USH2A: variants seen among roughly 807,000 people sequenced by gnomAD.
The protein encoded by USH2A is usherin, also known as Usher syndrome 2A (autosomal recessive, mild).
Under a neutral mutation model 538.9 loss-of-function variants are expected in USH2A, and 443 were observed. That is an observed-to-expected ratio of 0.82 (90% CI 0.76 to 0.89). The LOEUF (loss-of-function observed/expected upper bound fraction) is 0.89, where lower values mean the gene tolerates loss of function less well. Among genes scored for constraint, USH2A ranks in the 40% least tolerant of loss-of-function variants. The probability of loss-of-function intolerance (pLI) is 0.00; values close to 1 mark genes in which losing one functional copy is unlikely to be tolerated. For missense variants in USH2A, 6,633 were observed against 6,324.8 expected (o/e 1.05, Z -1.65); for synonymous variants, 2,413 against 2,273.5 (o/e 1.06, Z -1.75).
intron 13 of USH2A, among the ~76,000 whole-genome samples, chr1:216,233,279 G>A (rs148507183): frequency 2.2e-4 from 33 of 152,086 alleles, no homozygotes; most frequent in Admixed American, 1.4e-3. Flanking sequence ...TTCATGGGCC[G>A]TTCTGTCTGC....
At chr1:215,784,173 T>C (rs1251329766) in intron 52 of USH2A, among the ~76,000 whole-genome samples, 1 of 152,278 alleles carries the variant, frequency 6.6e-6, no homozygotes, top group East Asian at 1.9e-4. Flanking sequence ...TTGCCAGTTT[T>C]CTTTGTAGCT....
At chr1:215,955,380 A>G (rs986800752) in intron 37 of USH2A, among the ~76,000 whole-genome samples, 2 of 152,196 alleles carry the variant, frequency 1.3e-5, no homozygotes, top group Non-Finnish European at 2.9e-5. Flanking sequence ...ATAAAACAAC[A>G]TATGATTCAA....
intron 14 of USH2A, among the ~76,000 whole-genome samples, chr1:216,221,883 T>A (rs541611256): frequency 6.6e-6 from 1 of 152,362 alleles, no homozygotes; most frequent in South Asian, 2.1e-4. Flanking sequence ...TAAATAAGAC[T>A]AGGCAAGAAA....
rs1457429182 is a variant in USH2A at position 215,845,911 on chromosome 1, T to G, written c.8968A>C (p.Asn2990His). The G allele has an allele frequency of 1.2e-6, 2 of 1,613,958 alleles. No individual in the cohort carries two copies. Among genetic ancestry groups the G allele is most frequent in the Non-Finnish European group, 1.7e-6 (2 of 1,179,950 alleles). The stretch of plus-strand genomic sequence containing the variant: ...GAGATAAAGATCCAATACTCTGTGT[T>G]TGGCTTTAGGTGGCCAATGACATGA... ...NSHVIGHLKPNTEYWIFISVF... is the reference protein window; with the variant it reads ...NSHVIGHLKPHTEYWIFISVF... Residue 2990 changes from asparagine (N) to histidine (H), a missense_variant, in exon 45 of 72, where the codon AAC becomes CAC. Asn to His is a moderately conservative substitution (Grantham distance 68, BLOSUM62 1). Transcript: ENST00000307340.
intron 14 of USH2A, among the ~76,000 whole-genome samples, chr1:216,229,152 C>T (rs975900056): frequency 1.7e-4 from 26 of 151,784 alleles, no homozygotes; most frequent in Non-Finnish European, 2.7e-4. Context: ...CCAGCCTAGG[C>T]GACAGAGTGT....
chr1:216,384,339 G>A lies in USH2A; in HGVS notation c.652-19254C>T, dbSNP rs193146374. On this transcript the variant is annotated intron_variant, in intron 3 of 71. Transcript: ENST00000307340. ...CCAGAAGCAAAAAATACATGTGGCTGGCTAATAAGCCTATGTAAGGTAAGA... is the reference window on the plus strand; with the variant it reads ...CCAGAAGCAAAAAATACATGTGGCTAGCTAATAAGCCTATGTAAGGTAAGA... Among the ~76,000 whole-genome samples the A allele has an allele frequency of 3.5e-4, 54 of 152,140 alleles. 1 individual carries two copies. In the East Asian group the frequency reaches 0.01, roughly 28 times the overall value.
chr1:215,776,326 ATAACACCTC>A (rs1661467740), intron 55 of USH2A, among the ~76,000 whole-genome samples: 1 of 152,234 alleles, frequency 6.6e-6, no homozygotes, highest in South Asian at 2.1e-4. Flanking sequence ...TAAAGCATTG[ATAACACCTC>A]TAAATAATTA....
intron 41 of USH2A, among the ~76,000 whole-genome samples, chr1:215,881,415 C>T (rs554659502): frequency 5.9e-5 from 9 of 152,288 alleles, no homozygotes; most frequent in African/African-American, 2.2e-4. Context: ...ACTGGGATTA[C>T]GGGCATGAGC....
In USH2A at chr1:215,877,858, T is replaced by A; in HGVS notation, c.8581A>T (p.Ile2861Phe). 1 of 1,613,740 alleles carries A rather than the reference T, an allele frequency of 6.2e-7. No individual in the cohort carries two copies. Among genetic ancestry groups the A allele is most frequent in the Non-Finnish European group, 8.5e-7 (1 of 1,179,718 alleles). ...NLRYELLRRK[I>F]QQPLASNPPE... Reference sequence around the variant, plus strand: ...GGATTTGATGCAAGTGGCTGCTGGATTTTACGTCTCAGAAGCTCATATCTA... The same window carrying A: ...GGATTTGATGCAAGTGGCTGCTGGAATTTACGTCTCAGAAGCTCATATCTA... Residue 2861 changes from isoleucine (I) to phenylalanine (F), a missense_variant, in exon 43 of 72, where the codon ATC becomes TTC. Ile to Phe is a conservative substitution (Grantham distance 21). Transcript: ENST00000307340.
intron 44 of USH2A, among the ~76,000 whole-genome samples, chr1:215,861,411 T>C (rs970463): frequency 0.62 from 94,618 of 152,108 alleles, 29,685 homozygotes; most frequent in East Asian, 0.76. Flanking sequence ...CTCCAAAATA[T>C]AATAGTTTAA....
At chr1:216,396,868 C>A (rs949077258) in intron 3 of USH2A, among the ~76,000 whole-genome samples, 1 of 152,184 alleles carries the variant, frequency 6.6e-6, no homozygotes, top group African/African-American at 2.4e-5. Flanking sequence ...AAAAAAAGTA[C>A]AAATTGTATT....
At chr1:215,758,103 G>T (rs1660865232) in intron 58 of USH2A, among the ~76,000 whole-genome samples, 1 of 152,058 alleles carries the variant, frequency 6.6e-6, no homozygotes, top group African/African-American at 2.4e-5. Flanking sequence ...GACCAACATG[G>T]AGAAACACTG....
At chr1:216,353,693 GA>G (rs781313145) in intron 4 of USH2A, among the ~76,000 whole-genome samples, 48 of 151,486 alleles carry the variant, frequency 3.2e-4, no homozygotes, top group East Asian at 3.1e-3. Flanking sequence ...TTGTGCCAAA[GA>G]AAAAAAGGGG....
intron 30 of USH2A, among the ~76,000 whole-genome samples, chr1:216,058,714 T>A (rs1447417696): frequency 6.6e-6 from 1 of 152,282 alleles, no homozygotes; most frequent in Admixed American, 6.5e-5. Flanking sequence ...GAACTGTTGA[T>A]AAAAGACTGA....
At chr1:215,893,646 CAT>C (rs1245703738) in intron 40 of USH2A, among the ~76,000 whole-genome samples, 1 of 151,404 alleles carries the variant, frequency 6.6e-6, no homozygotes, top group Non-Finnish European at 1.5e-5. Context: ...TTAAAGTAAA[CAT>C]AAAAAACTTG....
chr1:216,325,411 T>C lies in USH2A; in HGVS notation c.1037A>G (p.Asn346Ser), dbSNP rs773301677. The change falls in exon 6 of 72, where the codon AAT (asparagine) becomes AGT (serine). Residue 346 changes from asparagine to serine, a missense_variant. Transcript: ENST00000307340. ...NPEAHPLSFV[N>S]DNDVGTSWVS... ...CCATGAAGTACCAACATCATTATCA[T>C]TGACAAAAGAGAGAGGATGGGCTTC... 18 of 1,613,948 alleles carry C rather than the reference T, an allele frequency of 1.1e-5. No homozygotes were observed. Among genetic ancestry groups the C allele is most frequent in the South Asian group, 6.6e-5 (6 of 91,078 alleles).
chr1:215,988,926 C>A (rs1375831424), intron 35 of USH2A, among the ~76,000 whole-genome samples: 2 of 152,088 alleles, frequency 1.3e-5, no homozygotes, highest in African/African-American at 2.4e-5. Context: ...TTTCTTAAAG[C>A]ATTGGTTAAG....
At chr1:216,243,455 TAA>T (rs2102540258) in intron 13 of USH2A, among the ~76,000 whole-genome samples, 1 of 152,318 alleles carries the variant, frequency 6.6e-6, no homozygotes, top group South Asian at 2.1e-4. Flanking sequence ...CTCCTTATAA[TAA>T]AAGAGGCCCC....
At chr1:216,398,795 G>A (rs994485016) in intron 3 of USH2A, among the ~76,000 whole-genome samples, 3 of 152,168 alleles carry the variant, frequency 2.0e-5, no homozygotes, top group Non-Finnish European at 4.4e-5. Context: ...AAACCAAACA[G>A]AGAGCTGATC....
Sources: allele counts gnomAD v4.1 joint callset (sites outside exome capture counted in the v4.1 genomes callset), GRCh38; gene constraint gnomAD v4.1.1; transcripts MANE v1.5; gene names NCBI Gene and HGNC (gene_info 2026-07-23, HGNC 2026-07-21).